The following LSAMP variants were observed in gnomAD, a reference collection of about 807,000 sequenced individuals.
The protein encoded by LSAMP is limbic system-associated membrane protein.
A neutral mutation model predicts 38.6 loss-of-function variants in LSAMP; 7 were observed. The ratio of observed to expected loss-of-function variants is 0.18; its 90% CI spans 0.10 to 0.34. The LOEUF (loss-of-function observed/expected upper bound fraction) is 0.34. LSAMP is among the 10% of genes least tolerant of loss of function. The pLI is 1.00. For synonymous variants in LSAMP, 154 were observed against 166.8 expected, an observed-to-expected ratio of 0.92 and a Z score of 0.59; for missense variants, 313 against 420.0, an observed-to-expected ratio of 0.75 and a Z score of 2.23.
At chr3:116,115,837 T>G (rs377620573) in intron 1 of LSAMP, among the ~76,000 whole-genome samples, 1 of 152,034 alleles carries the variant, frequency 6.6e-6, no homozygotes, top group South Asian at 2.1e-4. Context: ...TTTGTTGTTG[T>G]TTTTTGTTTC....
intron 1 of LSAMP, among the ~76,000 whole-genome samples, chr3:116,099,321 A>C (rs1708293331): frequency 6.6e-6 from 1 of 152,210 alleles, no homozygotes; most frequent in South Asian, 2.1e-4. Context: ...ATTTTCCCTC[A>C]CAAAGACTCC....
chr3:115,968,597 C>G (rs946514906), intron 3 of LSAMP, among the ~76,000 whole-genome samples: 2 of 152,146 alleles, frequency 1.3e-5, no homozygotes, highest in Non-Finnish European at 2.9e-5. Flanking sequence ...TTACTCTTCC[C>G]TCTTCTCTCC....
At chr3:116,437,400 G>GA (rs1023440482) in intron 1 of LSAMP, among the ~76,000 whole-genome samples, 42 of 150,600 alleles carry the variant, frequency 2.8e-4, no homozygotes, top group South Asian at 1.3e-3. Flanking sequence ...ATAACTTATG[G>GA]AAAAAAAAAT....
intron 1 of LSAMP, among the ~76,000 whole-genome samples, chr3:116,282,980 C>G (rs2047146503): frequency 6.6e-6 from 1 of 152,068 alleles, no homozygotes; most frequent in Admixed American, 6.5e-5. Flanking sequence ...ACCCATGACC[C>G]TATCAAGATT....
At chr3:116,070,417 AG>A (rs1190070717) in intron 2 of LSAMP, among the ~76,000 whole-genome samples, 1 of 152,216 alleles carries the variant, frequency 6.6e-6, no homozygotes, top group Non-Finnish European at 1.5e-5. Context: ...GGTTAGAGAC[AG>A]AAGAGATCAA....
chr3:116,305,491 C>A (rs1422072126), intron 1 of LSAMP, among the ~76,000 whole-genome samples: 3 of 151,900 alleles, frequency 2.0e-5, no homozygotes, highest in Non-Finnish European at 1.5e-5. Context: ...TCCATTTCTA[C>A]TGTAATCCTT....
intron 1 of LSAMP, among the ~76,000 whole-genome samples, chr3:116,348,950 T>C (rs1225948625): frequency 6.6e-6 from 1 of 152,146 alleles, no homozygotes; most frequent in Non-Finnish European, 1.5e-5. Context: ...TCTGTATAAT[T>C]TTTAGGAAAG....
chr3:115,990,557 CCAATCAG>C (rs1158240763), intron 3 of LSAMP, among the ~76,000 whole-genome samples: 3 of 152,076 alleles, frequency 2.0e-5, no homozygotes, highest in Admixed American at 6.6e-5. Context: ...TCTGAACACA[CCAATCAG>C]CTTCTGTTTT....
rs1375845130 is a variant in LSAMP, at chr3:116,086,334, C to T, written c.378G>A (p.Leu126=). ...QHEPKTSQVY[L]IVQVPPKISN... ...CCACACTTTCCTTACCTTGTACGAT[C>T]AAGTAAACTTGGGAGGTCTTGGGCT... is the stretch of plus-strand genomic sequence containing the variant. Residue 126 remains leucine, a synonymous_variant, in exon 2 of 7, where the codon TTG becomes TTA. Coordinates refer to ENST00000490035, the MANE Select transcript of LSAMP (RefSeq NM_002338.5). 13 of 1,613,972 alleles carry T rather than the reference C, an allele frequency of 8.1e-6. No individual in the cohort carries two copies. The highest frequency in any genetic ancestry group is 1.1e-5 in the Non-Finnish European group (13 of 1,179,856).
chr3:116,019,516 A>G lies in LSAMP; in HGVS notation c.513T>C (p.Thr171=), dbSNP rs1940578949. The part of the protein sequence containing the change: ...PVITWRHLTP[T]GREFEGEEEY... ...ATTGGAACCTGGAGTATTGCTTACCAGTTGGTGTAAGGTGTCTCCAGGTGA... is the reference window on the plus strand; with the variant it reads ...ATTGGAACCTGGAGTATTGCTTACCGGTTGGTGTAAGGTGTCTCCAGGTGA... The change falls in exon 3 of 7, where the codon ACT becomes ACC. Residue 171 remains threonine, a splice_region_variant and synonymous_variant. Coordinates refer to ENST00000490035, the MANE Select transcript of LSAMP (RefSeq NM_002338.5). The G allele has an allele frequency of 6.2e-7, 1 of 1,611,666 alleles. No individual in the cohort carries two copies. The highest frequency in any genetic ancestry group is 8.5e-7 in the Non-Finnish European group (1 of 1,178,348).
At position 116,444,866 on chromosome 3, in the gene LSAMP, G is replaced by A. The variant is rs747589476; in HGVS notation, c.155+11C>T. ...GACGCGCGCAGCAGAAAAGTTGCCC[G>A]AAAGCCCTACCTGAGGATGGCTGTG... On this transcript the variant is annotated intron_variant, in intron 1 of 6. Transcript: ENST00000490035. The A allele has an allele frequency of 4.3e-6, 7 of 1,613,272 alleles. No homozygotes were observed. In the Admixed American group the frequency reaches 1.0e-4, roughly 23 times the overall value.
intron 1 of LSAMP, among the ~76,000 whole-genome samples, chr3:116,099,252 C>T (rs1164922182): frequency 6.6e-6 from 1 of 152,178 alleles, no homozygotes; most frequent in Non-Finnish European, 1.5e-5. Flanking sequence ...TGTATACCAC[C>T]TTCTCACTTG....
chr3:116,269,910 T>TAAAC (rs1418004291), intron 1 of LSAMP, among the ~76,000 whole-genome samples: 1 of 152,182 alleles, frequency 6.6e-6, no homozygotes, highest in African/African-American at 2.4e-5. Context: ...AATTTGTACC[T>TAAAC]AAACAACTGT....
chr3:115,997,743 T>TATATAC (rs1228273609), intron 3 of LSAMP, among the ~76,000 whole-genome samples: 2 of 87,390 alleles, frequency 2.3e-5, no homozygotes, highest in African/African-American at 4.5e-5. Flanking sequence ...TATATATATA[T>TATATAC]ATATATATAT....
At chr3:116,037,949 T>C (rs1316937650) in intron 2 of LSAMP, among the ~76,000 whole-genome samples, 1 of 152,114 alleles carries the variant, frequency 6.6e-6, no homozygotes, top group Non-Finnish European at 1.5e-5. Context: ...CATAGTCTCA[T>C]GGTTAATGCT....
intron 1 of LSAMP, among the ~76,000 whole-genome samples, chr3:116,256,989 A>G (rs541963181): frequency 1.1e-3 from 163 of 152,280 alleles, no homozygotes; most frequent in African/African-American, 3.8e-3. Flanking sequence ...TGCTTCGACT[A>G]TCTGCTTCCA....
At chr3:116,154,089 A>G (rs569092151) in intron 1 of LSAMP, among the ~76,000 whole-genome samples, 1 of 152,242 alleles carries the variant, frequency 6.6e-6, no homozygotes, top group South Asian at 2.1e-4. Flanking sequence ...TGGTTGTGAG[A>G]ATTAACGGAG....
chr3:116,187,800 CTTTTA>C (rs551048880), intron 1 of LSAMP, among the ~76,000 whole-genome samples: 123 of 151,874 alleles, frequency 8.1e-4, no homozygotes, highest in African/African-American at 2.6e-3. Context: ...ATTTTTTTCA[CTTTTA>C]TTTTATGTTC....
chr3:116,419,925 T>A (rs1052900247), intron 1 of LSAMP, among the ~76,000 whole-genome samples: 3 of 152,330 alleles, frequency 2.0e-5, no homozygotes, highest in Admixed American at 6.5e-5. Flanking sequence ...CGTCAGTTTC[T>A]CTTGACTTAG....
Sources: gnomAD v4.1 joint callset for allele counts (sites outside exome capture counted in the v4.1 genomes callset) on GRCh38, gnomAD v4.1.1 for gene constraint, MANE v1.5 for transcripts, NCBI Gene and HGNC (gene_info 2026-07-23, HGNC 2026-07-21) for gene names.